The following SYS1 variants were observed in gnomAD, a reference collection of about 807,000 sequenced individuals.
The protein encoded by SYS1 is protein SYS1 homolog.
In SYS1, 8 loss-of-function variants were observed where a neutral mutation model predicts 17.8. The observed-to-expected ratio is 0.45, with a 90% CI of 0.26 to 0.81. The LOEUF is 0.81. Among genes scored for constraint, SYS1 ranks in the 40% least tolerant of loss-of-function variants. The pLI is 0.16. For synonymous variants in SYS1, 95 were observed against 90.9 expected, an observed-to-expected ratio of 1.05 and a Z score of -0.26; for missense variants, 161 against 203.9, an observed-to-expected ratio of 0.79 and a Z score of 1.28.
Position 45,368,716 on chromosome 20 carries a change from A to G in SYS1, c.*1601A>G. ...AGCAGTTTGTTAATGAGGCACAGTA[A>G]TCCTGGCTGCAGGGTCTAGGAGGTA... On this transcript the variant is annotated 3_prime_UTR_variant, in exon 4 of 4. Transcript: ENST00000243918. The G allele has an allele frequency of 2.0e-6, 2 of 985,480 alleles. No individual in the cohort carries two copies. The highest frequency in any genetic ancestry group is 2.4e-6 in the Non-Finnish European group (2 of 829,968). The allele number at this position is 985,480 out of a possible 1,614,324, so 61.0% of individuals were successfully genotyped here.
intron 2 of SYS1, chr20:45,365,249 G>A: frequency 2.7e-6 from 1 of 365,004 alleles, no homozygotes; most frequent in Non-Finnish European, 5.3e-6. Flanking sequence ...AAGTGAATAG[G>A]TGTGGCTGTG....
chr20:45,372,175 G>A (rs1988574687), downstream of SYS1, among the ~76,000 whole-genome samples: 2 of 152,330 alleles, frequency 1.3e-5, no homozygotes, highest in South Asian at 4.1e-4. Context: ...TGGAATTGTG[G>A]GAGGCAGGTG....
At chr20:45,369,828 AG>A (rs541436789), downstream of SYS1, among the ~76,000 whole-genome samples, 693 of 152,036 alleles carry the variant, frequency 4.6e-3, 4 homozygotes, top group African/African-American at 0.016. Flanking sequence ...CACTTTGCCC[AG>A]GCTGGTCTCG....
At chr20:45,365,968 G>T (rs1293883084) in intron 3 of SYS1, 17 of 455,340 alleles carry the variant, frequency 3.7e-5, no homozygotes, top group South Asian at 3.7e-4. Flanking sequence ...GGATTCGACC[G>T]AGAGGCAGGA....
In SYS1 at chr20:45,367,204, T is replaced by C. The variant is rs1988446571; in HGVS notation, c.*89T>C. 6.5e-7 allele frequency: 1 copy of C among 1,546,142 alleles called. No homozygotes were observed. The highest frequency in any genetic ancestry group is 1.4e-5 in the African/African-American group (1 of 72,812). ...CTCCAGATGAGGTCCAGCCCAGATC[T>C]GAGAGGAACCCTGGAAATGTGAAGT... On this transcript the variant is annotated 3_prime_UTR_variant, in exon 4 of 4. Coordinates refer to ENST00000243918, the MANE Select transcript of SYS1 (RefSeq NM_033542.4).
intron 2 of SYS1, 119 bp from the exon 3 acceptor site, chr20:45,365,500 A>G: frequency 1.1e-6 from 1 of 913,484 alleles, no homozygotes; most frequent in Non-Finnish European, 1.8e-6. Flanking sequence ...GTACAGATGT[A>G]GGGAGGTATT....
chr20:45,367,249 A>G lies in SYS1; in HGVS notation c.*134A>G, dbSNP rs1041797933. Reference sequence around the variant, plus strand: ...TGAAGTCTCTGTTGGTTTGGGAGAGATAGTGAGGGCCTGTCAAAGAAGGCA... The same window carrying G: ...TGAAGTCTCTGTTGGTTTGGGAGAGGTAGTGAGGGCCTGTCAAAGAAGGCA... On this transcript the variant is annotated 3_prime_UTR_variant, in exon 4 of 4. Transcript: ENST00000243918. 43 of 1,487,186 alleles carry G rather than the reference A, an allele frequency of 2.9e-5. No homozygotes were observed. The East Asian group carries it at 3.5e-4, about 12-fold the overall frequency. The allele number at this position is 1,487,186 out of a possible 1,614,324, so 92.1% of individuals were successfully genotyped here.
chr20:45,374,374 C>A (rs898113345), exon 4 of SYS1: 2 of 639,670 alleles, frequency 3.1e-6, no homozygotes, highest in Admixed American at 2.7e-5. Context: ...TGGGCTTAAG[C>A]GATCCTCCGA....
chr20:45,363,071 G>A (rs1211454619), upstream of SYS1: 3 of 987,246 alleles, frequency 3.0e-6, no homozygotes, highest in African/African-American at 5.2e-5. Flanking sequence ...CTTGTACCTG[G>A]TTCAGGAGGT....
chr20:45,367,556 C>G lies in SYS1; in HGVS notation c.*441C>G. On this transcript the variant is annotated 3_prime_UTR_variant, in exon 4 of 4. Transcript: ENST00000243918. ...ACAGCAGTTACCTTTGCAGTGTTGC[C>G]GAATCACAGCAGTTCTGTTGGAGAA... The G allele has an allele frequency of 1.0e-6, 1 of 995,158 alleles. No individual in the cohort carries two copies. Among genetic ancestry groups the G allele is most frequent in the Non-Finnish European group, 1.2e-6 (1 of 835,210 alleles). 61.6% of individuals were successfully genotyped at this position (995,158 alleles called of 1,614,324 possible). A position where few individuals can be genotyped will look rare whatever the true frequency, so the allele number is the denominator to read the frequency against.
At chr20:45,374,951 A>T in exon 4 of SYS1, 1 of 1,529,840 alleles carries the variant, frequency 6.5e-7, no homozygotes, top group Non-Finnish European at 8.8e-7. Context: ...AAGACTCCAG[A>T]TCCTGAACCC....
exon 4 of SYS1, chr20:45,374,306 T>C (rs1282659113): frequency 2.9e-6 from 2 of 696,648 alleles, no homozygotes; most frequent in Non-Finnish European, 5.2e-6. Context: ...AGGGTCTTGC[T>C]CTCTTGCCCA....
chr20:45,363,134 G>A (rs986960439), upstream of SYS1: 8 of 1,015,092 alleles, frequency 7.9e-6, no homozygotes, highest in East Asian at 1.0e-4. Context: ...CCGCCCCTCC[G>A]CTGCTTTCCC....
exon 4 of SYS1, chr20:45,374,960 C>T (rs1988678660): frequency 6.5e-7 from 1 of 1,539,848 alleles, no homozygotes; most frequent in African/African-American, 1.4e-5. Flanking sequence ...GATCCTGAAC[C>T]CTGACTCTGG....
chr20:45,363,761 C>G, intron 2 of SYS1, 68 bp downstream of exon 2: 2 of 1,492,546 alleles, frequency 1.3e-6, no homozygotes, highest in Non-Finnish European at 1.8e-6. Context: ...TCCATCACTA[C>G]TGTGCTGTAG....
chr20:45,367,307 CCT>C lies in SYS1; in HGVS notation c.*195_*196del. 1 of 1,418,806 alleles carries C rather than the reference CCT, an allele frequency of 7.0e-7. No homozygotes were observed. The highest frequency in any genetic ancestry group is 9.2e-7 in the Non-Finnish European group (1 of 1,089,036). The allele number at this position is 1,418,806 out of a possible 1,614,324, so 87.9% of individuals were successfully genotyped here. On this transcript the variant is annotated 3_prime_UTR_variant, in exon 4 of 4. Transcript: ENST00000243918. ...GTCAGCATGACAGCTGCAAGAATGACCTCTGTCTGTTGAAGCCTTGGTATCTG... is the reference window on the plus strand; with the variant it reads ...GTCAGCATGACAGCTGCAAGAATGACCTGTCTGTTGAAGCCTTGGTATCTG...
chr20:45,363,747 G>A lies in SYS1; in HGVS notation c.162+54G>A, dbSNP rs1178461176. ...GTCTCGGCCTCCCCGAGTAGGCTTT[G>A]TGGTCCATCACTACTGTGCTGTAGA... is the stretch of plus-strand genomic sequence containing the variant. On this transcript the variant is annotated intron_variant, in intron 2 of 3. Coordinates refer to ENST00000243918, the MANE Select transcript of SYS1 (RefSeq NM_033542.4). The A allele has an allele frequency of 2.0e-6, 3 of 1,525,370 alleles. No individual in the cohort carries two copies. The East Asian group carries it at 7.3e-5, about 37-fold the overall frequency. The allele number at this position is 1,525,370 out of a possible 1,614,324, so 94.5% of individuals were successfully genotyped here.
chr20:45,366,723 G>A (rs900781605), intron 3 of SYS1, 152 bp from the exon 4 acceptor site: 4 of 695,686 alleles, frequency 5.7e-6, no homozygotes, highest in Non-Finnish European at 1.0e-5. Flanking sequence ...TTACCCGCCA[G>A]GTTCTTCTAG....
chr20:45,365,298 C>T (rs1299326648), intron 2 of SYS1: 1 of 425,122 alleles, frequency 2.4e-6, no homozygotes, highest in Non-Finnish European at 4.4e-6. Context: ...GATGCCAGGC[C>T]TATGGAGCCA....
Sources: allele counts gnomAD v4.1 joint callset (sites outside exome capture counted in the v4.1 genomes callset), GRCh38; gene constraint gnomAD v4.1.1; transcripts MANE v1.5; gene names NCBI Gene and HGNC (gene_info 2026-07-23, HGNC 2026-07-21).